THRAP3: variants seen among roughly 807,000 people sequenced by gnomAD.
THRAP3 encodes the protein thyroid hormone receptor-associated protein 3.
In THRAP3, 16 loss-of-function variants were observed where a neutral mutation model predicts 101.0. The ratio of observed to expected loss-of-function variants is 0.16; its 90% CI spans 0.11 to 0.24. THRAP3 has a LOEUF of 0.24. Among genes scored for constraint, THRAP3 ranks in the 10% least tolerant of loss-of-function variants. THRAP3 has a pLI of 1.00. For synonymous variants in THRAP3, 407 were observed against 422.6 expected (o/e 0.96, Z 0.45); for missense variants, 989 against 1,202.7 (o/e 0.82, Z 2.63).
chr1:36,224,213 C>T (rs1446740577), upstream of THRAP3, among the ~76,000 whole-genome samples: 1 of 152,260 alleles, frequency 6.6e-6, no homozygotes, highest in South Asian at 2.1e-4. Context: ...CTCCAGGCCA[C>T]CCAGGCGGGG....
At chr1:36,210,070 TA>T in the THRAP3 span, among the ~76,000 whole-genome samples, 8 of 152,100 alleles carry the variant, frequency 5.3e-5, no homozygotes, top group African/African-American at 1.9e-4. Flanking sequence ...TGAGAGTGTT[TA>T]AAAACTTCTT....
the THRAP3 span, among the ~76,000 whole-genome samples, chr1:36,214,046 GAAAGAA>G: frequency 7.6e-6 from 1 of 130,922 alleles, no homozygotes; most frequent in South Asian, 2.3e-4. Context: ...AAGAAAGAAA[GAAAGAA>G]AGAAAGAAAG....
At chr1:36,232,226 A>G (rs576206752) in intron 1 of THRAP3, among the ~76,000 whole-genome samples, 3 of 152,180 alleles carry the variant, frequency 2.0e-5, no homozygotes, top group Non-Finnish European at 2.9e-5. Flanking sequence ...AAAAGAAAAA[A>G]GTTAAATTTT....
chr1:36,240,787 C>T (rs978742344), intron 1 of THRAP3, among the ~76,000 whole-genome samples: 5 of 152,034 alleles, frequency 3.3e-5, no homozygotes, highest in Admixed American at 2.0e-4. Context: ...GCACCTGCAC[C>T]GCTTCAAAAA....
intron 1 of THRAP3, among the ~76,000 whole-genome samples, chr1:36,226,717 A>G (rs760279177): frequency 5.3e-5 from 8 of 152,112 alleles, no homozygotes; most frequent in Non-Finnish European, 1.0e-4. Context: ...CACATATTCT[A>G]TAAACATCTA....
At chr1:36,244,789 C>T (rs555683999) in intron 1 of THRAP3, among the ~76,000 whole-genome samples, 4 of 151,748 alleles carry the variant, frequency 2.6e-5, no homozygotes, top group African/African-American at 7.3e-5. Flanking sequence ...GCAATCTCAG[C>T]TCACTGCAAC....
At chr1:36,253,476 T>C (rs538928762) in intron 1 of THRAP3, among the ~76,000 whole-genome samples, 5 of 152,330 alleles carry the variant, frequency 3.3e-5, no homozygotes, top group Non-Finnish European at 5.9e-5. Flanking sequence ...GTTCAACTTT[T>C]GACAGTATGA....
chr1:36,261,616 C>T (rs759157198), intron 2 of THRAP3, among the ~76,000 whole-genome samples: 5 of 152,052 alleles, frequency 3.3e-5, no homozygotes, highest in Non-Finnish European at 5.9e-5. Flanking sequence ...CCCAGAGAGA[C>T]GAACTACACT....
chr1:36,276,217 TAAAA>T (rs781047221), intron 2 of THRAP3, among the ~76,000 whole-genome samples: 1 of 126,696 alleles, frequency 7.9e-6, no homozygotes, highest in Non-Finnish European at 1.7e-5. Flanking sequence ...TTCAGCAGAG[TAAAA>T]AAAAAAAAAA....
intron 11 of THRAP3, 38 bp from the exon 12 acceptor site, chr1:36,303,757 GT>G (rs1186461858): frequency 6.2e-7 from 1 of 1,613,310 alleles, no homozygotes; most frequent in East Asian, 2.2e-5. Context: ...GCCACATCTT[GT>G]TCACTCTGGC....
chr1:36,278,662 G>T (rs914960776), intron 2 of THRAP3, among the ~76,000 whole-genome samples: 1 of 152,134 alleles, frequency 6.6e-6, no homozygotes, highest in African/African-American at 2.4e-5. Context: ...GGTGGATCAC[G>T]CATGTAATCC....
intron 2 of THRAP3, among the ~76,000 whole-genome samples, chr1:36,261,422 A>G (rs991803322): frequency 6.6e-6 from 1 of 152,102 alleles, no homozygotes; most frequent in African/African-American, 2.4e-5. Flanking sequence ...AGTCCCAGCT[A>G]CTCGGGAGAC....
At chr1:36,299,344 C>T (rs1045916091) in intron 9 of THRAP3, among the ~76,000 whole-genome samples, 12 of 151,552 alleles carry the variant, frequency 7.9e-5, no homozygotes, top group African/African-American at 1.9e-4. Context: ...GAGGCTGAGG[C>T]GGGAGAATCG....
chr1:36,270,117 A>G (rs772563823), intron 2 of THRAP3, among the ~76,000 whole-genome samples: 1 of 152,116 alleles, frequency 6.6e-6, no homozygotes, highest in Non-Finnish European at 1.5e-5. Context: ...GGCTGGGCAC[A>G]TTGGCTCATG....
At chr1:36,222,166 G>C (rs193302426), upstream of THRAP3, among the ~76,000 whole-genome samples, 33 of 152,094 alleles carry the variant, frequency 2.2e-4, no homozygotes, top group Admixed American at 2.2e-3. Context: ...TCCCAGTGTT[G>C]GGATTACAGG....
rs765610235 is a variant in THRAP3, at chr1:36,287,072, C to T, written c.842C>T (p.Ser281Phe). Residue 281 changes from serine to phenylalanine, a missense_variant, in exon 4 of 12, where the codon TCC becomes TTC. Transcript: ENST00000354618. ...CCTAGTCCTCCACTTTCCAGCACATCCCAGATGGGCTCAACTCTGCCGAGT... is the reference window on the plus strand; with the variant it reads ...CCTAGTCCTCCACTTTCCAGCACATTCCAGATGGGCTCAACTCTGCCGAGT... The part of the protein sequence containing the change: ...PKPSPPLSST[S>F]QMGSTLPSGA... 3.1e-6 allele frequency: 5 copies of T among 1,613,922 alleles called. No individual in the cohort carries two copies. Among genetic ancestry groups the T allele is most frequent in the Non-Finnish European group, 4.2e-6 (5 of 1,179,952 alleles).
Position 36,286,859 on chromosome 1 carries a change from C to A in THRAP3, c.629C>A (p.Thr210Asn), listed in dbSNP as rs753076474. ...EAKEQTFSGG[T>N]SQDTKASESS... Reference sequence around the variant, plus strand: ...AAGGAGCAGACATTCTCTGGAGGCACCTCTCAAGATACAAAAGCATCTGAG... The same window carrying A: ...AAGGAGCAGACATTCTCTGGAGGCAACTCTCAAGATACAAAAGCATCTGAG... Residue 210 changes from threonine (T) to asparagine (N), a missense_variant, in exon 4 of 12, where the codon ACC (threonine) becomes AAC (asparagine). Physicochemically the swap from Thr to Asn is moderately conservative, Grantham distance 65. Coordinates refer to ENST00000354618, the MANE Select transcript of THRAP3 (RefSeq NM_005119.4). The surrounding 1 kb of genome is among the most constrained non-coding windows in gnomAD (Gnocchi z 5.5). 1 of 1,614,120 alleles carries A rather than the reference C, an allele frequency of 6.2e-7. No homozygotes were observed. Among genetic ancestry groups the A allele is most frequent in the Non-Finnish European group, 8.5e-7 (1 of 1,180,004 alleles).
chr1:36,297,673 G>A (rs539223621), intron 9 of THRAP3, among the ~76,000 whole-genome samples: 7 of 150,872 alleles, frequency 4.6e-5, no homozygotes, highest in Admixed American at 2.0e-4. Context: ...TTGAACTCCC[G>A]ACCTCATGAT....
intron 2 of THRAP3, among the ~76,000 whole-genome samples, chr1:36,271,392 C>G (rs1274866409): frequency 6.6e-6 from 1 of 152,042 alleles, no homozygotes; most frequent in Non-Finnish European, 1.5e-5. Context: ...AAGCGATTCT[C>G]CCGCCTCAGC....
Sources: allele counts gnomAD v4.1 joint callset (sites outside exome capture counted in the v4.1 genomes callset), GRCh38; gene constraint gnomAD v4.1.1; non-coding constraint Gnocchi (gnomAD v3.1); transcripts MANE v1.5; gene names NCBI Gene and HGNC (gene_info 2026-07-23, HGNC 2026-07-21).